Variants in RBFOX1 observed in about 807,000 individuals in gnomAD.
The protein encoded by RBFOX1 is RNA binding protein fox-1 homolog 1.
RBFOX1 carries 8 observed loss-of-function variants against 57.7 expected under a neutral mutation model. The ratio of observed to expected loss-of-function variants is 0.14; its 90% CI spans 0.08 to 0.25. The LOEUF (loss-of-function observed/expected upper bound fraction) is 0.25. Ranked by LOEUF, RBFOX1 falls within the 10% of genes least tolerant of loss-of-function variation. RBFOX1 has a pLI of 1.00. For missense variants in RBFOX1, 611 were observed against 548.5 expected (o/e 1.11, Z -1.14); for synonymous variants, 326 against 222.4 (o/e 1.47, Z -4.15).
chr16:5,415,153 G>A (rs2067129161), intron 1 of RBFOX1, among the ~76,000 whole-genome samples: 1 of 152,128 alleles, frequency 6.6e-6, no homozygotes, highest in Non-Finnish European at 1.5e-5. Flanking sequence ...ACCTGAGAAT[G>A]GGTATTTTAT....
At chr16:6,271,953 G>A (rs373477193) in intron 1 of RBFOX1, among the ~76,000 whole-genome samples, 7 of 152,008 alleles carry the variant, frequency 4.6e-5, no homozygotes, top group African/African-American at 1.4e-4. Flanking sequence ...ATTTTATAAA[G>A]CTAGAATTAC....
intron 2 of RBFOX1, among the ~76,000 whole-genome samples, chr16:6,396,101 C>G (rs6500781): frequency 0.28 from 40,526 of 146,408 alleles, 6,000 homozygotes; most frequent in African/African-American, 0.36. Flanking sequence ...CAACTAACAC[C>G]TTTACTCTTA....
At chr16:7,181,090 C>G (rs554732111) in intron 4 of RBFOX1, among the ~76,000 whole-genome samples, 4 of 152,214 alleles carry the variant, frequency 2.6e-5, no homozygotes, top group Non-Finnish European at 5.9e-5. Flanking sequence ...TACTGACCCC[C>G]TGCTATCAAG....
At chr16:5,430,459 GGCTGGAGCTGGAGGAGGCAGA>G (rs1483455105) in intron 1 of RBFOX1, among the ~76,000 whole-genome samples, 1 of 152,240 alleles carries the variant, frequency 6.6e-6, no homozygotes, top group African/African-American at 2.4e-5. Context: ...AGAGAGCTGG[GGCTGGAGCTGGAGGAGGCAGA>G]GCCTGGGAGG....
chr16:5,598,241 TA>T (rs1178081371), intron 2 of RBFOX1, among the ~76,000 whole-genome samples: 3 of 148,814 alleles, frequency 2.0e-5, no homozygotes, highest in Non-Finnish European at 3.0e-5. Flanking sequence ...AAAAAATAAA[TA>T]AAAAAAGTAG....
At chr16:5,672,217 G>A (rs1048580954) in intron 3 of RBFOX1, among the ~76,000 whole-genome samples, 1 of 152,120 alleles carries the variant, frequency 6.6e-6, no homozygotes, top group African/African-American at 2.4e-5. Flanking sequence ...ATTCTCTTAG[G>A]TGAGCTTCAT....
chr16:6,034,349 A>AG (rs2095334179), intron 1 of RBFOX1, among the ~76,000 whole-genome samples: 3 of 141,346 alleles, frequency 2.1e-5, no homozygotes, highest in South Asian at 4.6e-4. Context: ...AAAAAAAAAA[A>AG]AAAAAAAAGA....
At chr16:7,252,331 A>G (rs2153027319) in intron 4 of RBFOX1, among the ~76,000 whole-genome samples, 1 of 152,338 alleles carries the variant, frequency 6.6e-6, no homozygotes, top group East Asian at 1.9e-4. Context: ...GAAAGTGGAA[A>G]ACAAATTACA....
chr16:7,590,765 A>T (rs1254743895), intron 7 of RBFOX1, among the ~76,000 whole-genome samples: 1 of 151,058 alleles, frequency 6.6e-6, no homozygotes, highest in Non-Finnish European at 1.5e-5. Flanking sequence ...AGGCTGAGGC[A>T]GGAGAATCAC....
chr16:7,601,130 G>C (rs1436076683), intron 9 of RBFOX1, among the ~76,000 whole-genome samples: 1 of 152,156 alleles, frequency 6.6e-6, no homozygotes, highest in Non-Finnish European at 1.5e-5. Context: ...AGAGATGTTA[G>C]GAAGGATGAA....
chr16:6,851,789 C>T (rs953465918), intron 3 of RBFOX1, among the ~76,000 whole-genome samples: 1 of 152,162 alleles, frequency 6.6e-6, no homozygotes, highest in Admixed American at 6.5e-5. Context: ...CACCCGGACC[C>T]TTAACTCCTT....
chr16:7,505,946 G>A (rs1234320228), intron 4 of RBFOX1, among the ~76,000 whole-genome samples: 1 of 152,038 alleles, frequency 6.6e-6, no homozygotes, highest in Non-Finnish European at 1.5e-5. Context: ...AGCACTTTGG[G>A]AGGCTGAGGT....
chr16:5,964,135 C>T (rs1210151625), intron 4 of RBFOX1, among the ~76,000 whole-genome samples: 1 of 151,990 alleles, frequency 6.6e-6, no homozygotes, highest in Non-Finnish European at 1.5e-5. Context: ...CACAAATGGA[C>T]CACAGGTACA....
At chr16:7,662,184 A>T (rs1033565668) in intron 12 of RBFOX1, among the ~76,000 whole-genome samples, 2 of 152,232 alleles carry the variant, frequency 1.3e-5, no homozygotes, top group Non-Finnish European at 2.9e-5. Context: ...TCAGAGACAG[A>T]TGAGGTTCCA....
chr16:6,866,659 A>T (rs550927598), intron 3 of RBFOX1, among the ~76,000 whole-genome samples: 341 of 146,328 alleles, frequency 2.3e-3, no homozygotes, highest in African/African-American at 8.4e-3. Context: ...CTCCTGCCTC[A>T]GCCTTCCGAG....
At chr16:5,325,047 C>G (rs1227079359) in intron 1 of RBFOX1, among the ~76,000 whole-genome samples, 2 of 152,136 alleles carry the variant, frequency 1.3e-5, no homozygotes, top group African/African-American at 4.8e-5. Flanking sequence ...TGTGACAAAC[C>G]TGCACATGAG....
intron 4 of RBFOX1, among the ~76,000 whole-genome samples, chr16:5,997,992 G>C (rs1157937142): frequency 1.3e-5 from 2 of 152,136 alleles, no homozygotes; most frequent in Non-Finnish European, 2.9e-5. Flanking sequence ...CGTAACATTG[G>C]AGTTAAGGAT....
At chr16:6,876,921 C>T (rs1243584610) in intron 3 of RBFOX1, among the ~76,000 whole-genome samples, 1 of 152,138 alleles carries the variant, frequency 6.6e-6, no homozygotes, top group African/African-American at 2.4e-5. Context: ...GTACACTATT[C>T]TGACCTTTTT....
At chr16:5,567,287 T>A (rs1462145092) in intron 2 of RBFOX1, among the ~76,000 whole-genome samples, 3 of 152,232 alleles carry the variant, frequency 2.0e-5, no homozygotes, top group Non-Finnish European at 4.4e-5. Context: ...TGCGTCACTT[T>A]GCAGTGGCTG....
Sources: allele counts gnomAD v4.1 joint callset (sites outside exome capture counted in the v4.1 genomes callset), GRCh38; gene constraint gnomAD v4.1.1; transcripts MANE v1.5; gene names NCBI Gene and HGNC (gene_info 2026-07-23, HGNC 2026-07-21).